Variants in NXPH1 observed in about 807,000 individuals in gnomAD.
The protein encoded by NXPH1 is neurexophilin-1.
In NXPH1, 5 loss-of-function variants were observed where a neutral mutation model predicts 23.7. That is an observed-to-expected ratio of 0.21 (90% CI 0.11 to 0.44). NXPH1 has a LOEUF of 0.44. NXPH1 is among the 20% of genes least tolerant of loss of function. The probability of loss-of-function intolerance (pLI) is 0.99; values close to 1 mark genes in which losing one functional copy is unlikely to be tolerated. For synonymous variants in NXPH1, 144 were observed against 122.2 expected, an observed-to-expected ratio of 1.18 and a Z score of -1.18; for missense variants, 324 against 321.6, an observed-to-expected ratio of 1.01 and a Z score of -0.06.
chr7:8,697,157 CAAAAAAAA>C (rs139349283), intron 2 of NXPH1, among the ~76,000 whole-genome samples: 33 of 104,854 alleles, frequency 3.1e-4, no homozygotes, highest in African/African-American at 1.1e-3. Context: ...GATTCTGTTT[CAAAAAAAA>C]AAAAAAAAAA....
At chr7:8,501,623 C>T (rs986523242) in intron 2 of NXPH1, among the ~76,000 whole-genome samples, 2 of 151,972 alleles carry the variant, frequency 1.3e-5, no homozygotes, top group Admixed American at 1.3e-4. Flanking sequence ...TACATTCTAC[C>T]ATTTTACAGG....
chr7:8,738,097 G>A (rs996698511), intron 2 of NXPH1, among the ~76,000 whole-genome samples: 6 of 152,076 alleles, frequency 3.9e-5, no homozygotes, highest in Admixed American at 6.5e-5. Flanking sequence ...TTAGCTTGGG[G>A]GAGTTTACTA....
At chr7:8,518,585 C>T (rs1817723582) in intron 2 of NXPH1, among the ~76,000 whole-genome samples, 1 of 152,036 alleles carries the variant, frequency 6.6e-6, no homozygotes, top group Non-Finnish European at 1.5e-5. Flanking sequence ...CTCCTGGGTT[C>T]AAGTGATCCT....
At chr7:8,640,607 T>C (rs948427103) in intron 2 of NXPH1, among the ~76,000 whole-genome samples, 9 of 152,136 alleles carry the variant, frequency 5.9e-5, no homozygotes, top group Non-Finnish European at 1.3e-4. Context: ...TTTTATGTGA[T>C]GGTCTCATAA....
chr7:8,666,730 T>C (rs2115166303), intron 2 of NXPH1, among the ~76,000 whole-genome samples: 1 of 152,228 alleles, frequency 6.6e-6, no homozygotes, highest in Middle Eastern at 3.4e-3. Context: ...GTTTGGGTTT[T>C]CTATTTATTC....
intron 2 of NXPH1, among the ~76,000 whole-genome samples, chr7:8,612,317 A>G (rs1819639911): frequency 6.6e-6 from 1 of 150,736 alleles, no homozygotes; most frequent in African/African-American, 2.4e-5. Flanking sequence ...ATAGTGATAT[A>G]ATCAAGCAGC....
chr7:8,723,486 T>C (rs917308852), intron 2 of NXPH1, among the ~76,000 whole-genome samples: 1 of 152,246 alleles, frequency 6.6e-6, no homozygotes, highest in Non-Finnish European at 1.5e-5. Flanking sequence ...TTTGCTCTTA[T>C]TCAGTTTTGT....
At chr7:8,465,441 G>T (rs1171186617) in intron 2 of NXPH1, among the ~76,000 whole-genome samples, 1 of 146,426 alleles carries the variant, frequency 6.8e-6, no homozygotes, top group Non-Finnish European at 1.5e-5. Flanking sequence ...TTTAGGTCAT[G>T]GTCCAGCTCA....
chr7:8,601,974 C>A (rs1225016218), intron 2 of NXPH1, among the ~76,000 whole-genome samples: 1 of 152,192 alleles, frequency 6.6e-6, no homozygotes, highest in Non-Finnish European at 1.5e-5. Flanking sequence ...ACTTTTATGA[C>A]TTTCAATTTT....
rs73239936 is a variant in NXPH1, at chr7:8,650,155, A to C, written c.55-100853A>C. ...AAAAATAGTCTGTGTGATATAGGAA[A>C]ATCTGATCCAGCGTCTTTTGTTCTT... On this transcript the variant is annotated intron_variant, in intron 2 of 2. Transcript: ENST00000405863. Among the ~76,000 whole-genome samples the C allele has an allele frequency of 4.6e-3, 697 of 152,308 alleles. 6 individuals carry two copies. The highest frequency in any genetic ancestry group is 0.016 in the African/African-American group (654 of 41,564).
At chr7:8,451,124 T>G (rs181967707) in intron 2 of NXPH1, among the ~76,000 whole-genome samples, 2 of 151,758 alleles carry the variant, frequency 1.3e-5, no homozygotes, top group East Asian at 3.9e-4. Flanking sequence ...TTTTTTTTTT[T>G]CAACTATCAT....
intron 2 of NXPH1, among the ~76,000 whole-genome samples, chr7:8,517,569 G>A (rs1489443842): frequency 1.3e-5 from 2 of 152,106 alleles, no homozygotes; most frequent in African/African-American, 2.4e-5. Flanking sequence ...CTGACTCTGA[G>A]TTTGAAGCAG....
intron 2 of NXPH1, among the ~76,000 whole-genome samples, chr7:8,616,176 T>G (rs2128630515): frequency 6.6e-6 from 1 of 152,178 alleles, no homozygotes; most frequent in East Asian, 1.9e-4. Context: ...TTTCACTCTC[T>G]TCTTACACAG....
intron 2 of NXPH1, among the ~76,000 whole-genome samples, chr7:8,635,172 A>T (rs993146302): frequency 6.6e-6 from 1 of 152,178 alleles, no homozygotes; most frequent in African/African-American, 2.4e-5. Context: ...AAAAAATGCT[A>T]TGTCACCGAG....
intron 2 of NXPH1, among the ~76,000 whole-genome samples, chr7:8,616,947 A>T (rs939729732): frequency 6.6e-6 from 1 of 151,998 alleles, no homozygotes; most frequent in Non-Finnish European, 1.5e-5. Context: ...AGTTCGTTAT[A>T]GTAGTTGTGC....
In NXPH1 at chr7:8,739,171, TAAAAAAAA is replaced by T. The variant is rs34593997; in HGVS notation, c.55-11811_55-11804del. The stretch of plus-strand genomic sequence containing the variant: ...ACTGGAGTTCCAGGCACCAGTGGGG[TAAAAAAAA>T]AAAAAAAAAAAAAAAAAAAAAAAAA... On this transcript the variant is annotated intron_variant, in intron 2 of 2. Coordinates refer to ENST00000405863, the MANE Select transcript of NXPH1 (RefSeq NM_152745.3). Among the ~76,000 whole-genome samples, 185 of 54,050 alleles carry T rather than the reference TAAAAAAAA, an allele frequency of 3.4e-3. 2 individuals carry two copies. The highest frequency in any genetic ancestry group is 0.013 in the African/African-American group (170 of 13,096). 35.5% of individuals were successfully genotyped at this position (54,050 alleles called of 152,430 possible).
intron 2 of NXPH1, among the ~76,000 whole-genome samples, chr7:8,629,065 A>G (rs1029358951): frequency 6.6e-6 from 1 of 151,958 alleles, no homozygotes; most frequent in African/African-American, 2.4e-5. Flanking sequence ...GAATAAAAAC[A>G]AATTTTCGAA....
intron 2 of NXPH1, among the ~76,000 whole-genome samples, chr7:8,476,494 T>G (rs1017438944): frequency 1.3e-5 from 2 of 151,988 alleles, no homozygotes; most frequent in Non-Finnish European, 2.9e-5. Context: ...ACTCAAACCT[T>G]AGCTTGTTTT....
chr7:8,712,851 T>C (rs554458527), intron 2 of NXPH1, among the ~76,000 whole-genome samples: 1 of 152,178 alleles, frequency 6.6e-6, no homozygotes, highest in Non-Finnish European at 1.5e-5. Context: ...GGATCCTTTC[T>C]TTACTCCTGA....
Sources: allele counts gnomAD v4.1 joint callset (sites outside exome capture counted in the v4.1 genomes callset), GRCh38; gene constraint gnomAD v4.1.1; transcripts MANE v1.5; gene names NCBI Gene and HGNC (gene_info 2026-07-23, HGNC 2026-07-21).